Variants in RCOR3 observed in about 807,000 individuals in gnomAD.
The protein encoded by RCOR3 is REST corepressor 3.
Under a neutral mutation model 64.1 loss-of-function variants are expected in RCOR3, and 13 were observed. That is an observed-to-expected ratio of 0.20 (90% CI 0.13 to 0.32). The LOEUF (loss-of-function observed/expected upper bound fraction) is 0.32, where lower values mean the gene tolerates loss of function less well. Ranked by LOEUF, RCOR3 falls within the 10% of genes least tolerant of loss-of-function variation. The probability of loss-of-function intolerance (pLI) is 1.00; values close to 1 mark genes in which losing one functional copy is unlikely to be tolerated. For missense variants in RCOR3, 489 were observed against 701.2 expected, an observed-to-expected ratio of 0.70 and a Z score of 3.42; for synonymous variants, 215 against 239.0, an observed-to-expected ratio of 0.90 and a Z score of 0.93.
chr1:211,265,816 G>A (rs1695089790), intron 2 of RCOR3, among the ~76,000 whole-genome samples: 1 of 151,902 alleles, frequency 6.6e-6, no homozygotes, highest in South Asian at 2.1e-4. Context: ...TACAATTAGT[G>A]CATAATTGAT....
At chr1:211,305,594 A>G (rs540644916) in intron 10 of RCOR3, among the ~76,000 whole-genome samples, 1 of 152,290 alleles carries the variant, frequency 6.6e-6, no homozygotes, top group African/African-American at 2.4e-5. Flanking sequence ...TTTAAAGATT[A>G]GTATATTAAC....
At position 211,313,064 on chromosome 1, in the gene RCOR3, A is replaced by G. The variant is rs1302265866; in HGVS notation, c.1317+103A>G. The stretch of plus-strand genomic sequence containing the variant: ...GTCAAGAGGACTAGCTAAATTGAGC[A>G]TGAAAGGTTGACAATACACTTCTTC... On this transcript the variant is annotated intron_variant, in intron 11 of 11. Coordinates refer to ENST00000419091, the MANE Select transcript of RCOR3 (RefSeq NM_001136223.3). This position sits in a 1 kb window ranked among gnomAD's most constrained non-coding sequence, Gnocchi z 4.7. The G allele has an allele frequency of 2.5e-6, 4 of 1,577,486 alleles. No homozygotes were observed. Among genetic ancestry groups the G allele is most frequent in the Middle Eastern group, 1.8e-4 (1 of 5,670 alleles).
At position 211,274,249 on chromosome 1, in the gene RCOR3, A is replaced by G; in HGVS notation, c.341A>G (p.Tyr114Cys). 6.2e-7 allele frequency: 1 copy of G among 1,601,938 alleles called. No homozygotes were observed. The highest frequency in any genetic ancestry group is 8.6e-7 in the Non-Finnish European group (1 of 1,169,570). The change falls in exon 4 of 12, where the codon TAC becomes TGC. Residue 114 changes from tyrosine (Y) to cysteine (C), a missense_variant. Physicochemically the swap from Tyr to Cys is radical, Grantham distance 194 (BLOSUM62 -2). This residue lies in a region of RCOR3 where 402 missense variants were observed against 617.0 expected (regional missense o/e 0.65). Transcript: ENST00000419091. ...GCAATTGCAAAGGAAAAGCATGGCT[A>G]CAATGTGGAACAGGTATGTAGAGAA... ...YIAIAKEKHG[Y>C]NVEQALGMLF... is the part of the protein sequence containing the mutation.
chr1:211,263,632 T>C (rs929495209), intron 2 of RCOR3, among the ~76,000 whole-genome samples: 8 of 152,160 alleles, frequency 5.3e-5, no homozygotes, highest in African/African-American at 1.9e-4. Context: ...AAATGTAGAT[T>C]ATTAGTTATT....
intron 9 of RCOR3, among the ~76,000 whole-genome samples, chr1:211,296,508 G>T (rs1188130720): frequency 6.6e-6 from 1 of 152,046 alleles, no homozygotes; most frequent in Non-Finnish European, 1.5e-5. Context: ...CCCAGAAGGG[G>T]AAAAGAACTT....
chr1:211,261,923 CAA>C (rs1158597755), intron 2 of RCOR3, among the ~76,000 whole-genome samples: 1 of 34,126 alleles, frequency 2.9e-5, no homozygotes, highest in African/African-American at 1.2e-4. Context: ...GACTCCATCT[CAA>C]AAAAAAAAAA....
intron 8 of RCOR3, among the ~76,000 whole-genome samples, chr1:211,294,616 GT>G (rs1699647333): frequency 1.7e-5 from 2 of 117,718 alleles, no homozygotes; most frequent in African/African-American, 6.4e-5. Context: ...TTGAGACGGA[GT>G]CTCGCTGTGT....
rs1317212960 is a variant in RCOR3 at position 211,259,378 on chromosome 1, C to G, written c.-183C>G. 1 of 563,330 alleles carries G rather than the reference C, an allele frequency of 1.8e-6. No individual in the cohort carries two copies. Among genetic ancestry groups the G allele is most frequent in the South Asian group, 2.1e-5 (1 of 47,158 alleles). The allele number at this position is 563,330 out of a possible 1,614,324, so 34.9% of individuals were successfully genotyped here. A position where few individuals can be genotyped will look rare whatever the true frequency, so the allele number is the denominator to read the frequency against. ...GGGGCCGGGGCGGGTTGTTGTGAGG[C>G]GACTGCGCTACTGCCGGAGCGGGGC... On this transcript the variant is annotated 5_prime_UTR_variant, in exon 1 of 12. Transcript: ENST00000419091.
chr1:211,276,189 T>C (rs1696939040), intron 4 of RCOR3, 68 bp from the exon 5 acceptor site: 5 of 1,434,276 alleles, frequency 3.5e-6, no homozygotes, highest in Middle Eastern at 1.8e-4. Flanking sequence ...CTAATTTGTG[T>C]TTAACTTTCT....
chr1:211,262,824 T>TG (rs1694553028), intron 2 of RCOR3, among the ~76,000 whole-genome samples: 1 of 148,918 alleles, frequency 6.7e-6, no homozygotes, highest in Middle Eastern at 3.2e-3. Context: ...GGCCACTGGT[T>TG]TTTTTTTTTT....
chr1:211,259,924 G>GCCCCCCCCCCCCCCC, intron 1 of RCOR3, 184 bp from the exon 2 acceptor site: 1 of 459,852 alleles, frequency 2.2e-6, no homozygotes, highest in Non-Finnish European at 3.2e-6. Context: ...CTCCGCCTTT[G>GCCCCCCCCCCCCCCC]CCCCCCCCCG....
chr1:211,295,846 A>G (rs1571955132), intron 9 of RCOR3, 93 bp downstream of exon 9: 2 of 817,966 alleles, frequency 2.4e-6, no homozygotes, highest in East Asian at 2.6e-5. Flanking sequence ...CACATGCATC[A>G]TTAATACTTT....
intron 3 of RCOR3, among the ~76,000 whole-genome samples, chr1:211,272,639 T>TTTTTTTTTTG (rs55992235): frequency 7.4e-6 from 1 of 134,626 alleles, no homozygotes; most frequent in Non-Finnish European, 1.6e-5. Flanking sequence ...TTTTTTTTTT[T>TTTTTTTTTTG]GAGACGGAGT....
At chr1:211,311,760 A>G (rs1701509161) in intron 10 of RCOR3, among the ~76,000 whole-genome samples, 1 of 152,112 alleles carries the variant, frequency 6.6e-6, no homozygotes, top group Non-Finnish European at 1.5e-5. Flanking sequence ...CAACTTTTCT[A>G]TTTTGAGCTA....
At position 211,265,403 on chromosome 1, in the gene RCOR3, A is replaced by G. The variant is rs536372528; in HGVS notation, c.223+5239A>G. ...TTTTCTCCACAGAATTTTATCATATATAATTTTTTTTGTGCTTTGAAGTGC... is the reference window on the plus strand; with the variant it reads ...TTTTCTCCACAGAATTTTATCATATGTAATTTTTTTTGTGCTTTGAAGTGC... On this transcript the variant is annotated intron_variant, in intron 2 of 11. Transcript: ENST00000419091. Among the ~76,000 whole-genome samples, 22 of 152,242 alleles carry G rather than the reference A, an allele frequency of 1.4e-4. No individual in the cohort carries two copies. In the East Asian group the frequency reaches 2.7e-3, roughly 19 times the overall value.
At chr1:211,308,432 G>A (rs572339363) in intron 10 of RCOR3, among the ~76,000 whole-genome samples, 1 of 152,002 alleles carries the variant, frequency 6.6e-6, no homozygotes, top group Non-Finnish European at 1.5e-5. Context: ...CTCCCAAATG[G>A]CTTGAGTTTA....
chr1:211,310,976 T>C (rs1456714356), intron 10 of RCOR3, among the ~76,000 whole-genome samples: 5 of 152,206 alleles, frequency 3.3e-5, no homozygotes, highest in Non-Finnish European at 2.9e-5. Context: ...TTCTAATTAG[T>C]AGTTATTCTT....
chr1:211,272,611 A>ATTTTT (rs1558054249), intron 3 of RCOR3, among the ~76,000 whole-genome samples: 13 of 17,544 alleles, frequency 7.4e-4, no homozygotes, highest in Non-Finnish European at 1.4e-3. Flanking sequence ...TGGATGTCTT[A>ATTTTT]CTTTTTTTTT....
intron 5 of RCOR3, 122 bp downstream of exon 5, chr1:211,276,540 G>A: frequency 2.3e-6 from 2 of 886,178 alleles, no homozygotes. Context: ...CTATTTGTAA[G>A]TAGGTATATT....
Sources: allele counts gnomAD v4.1 joint callset (sites outside exome capture counted in the v4.1 genomes callset), GRCh38; gene constraint gnomAD v4.1.1; regional missense constraint gnomAD v4.1.1; non-coding constraint Gnocchi (gnomAD v3.1); transcripts MANE v1.5; gene names NCBI Gene and HGNC (gene_info 2026-07-23, HGNC 2026-07-21).